The following ERN1 variants were observed in gnomAD, a reference collection of about 807,000 sequenced individuals.
The protein encoded by ERN1 is serine/threonine-protein kinase/endoribonuclease IRE1.
Under a neutral mutation model 113.1 loss-of-function variants are expected in ERN1, and 39 were observed. The ratio of observed to expected loss-of-function variants is 0.34; its 90% CI spans 0.27 to 0.45. The LOEUF (loss-of-function observed/expected upper bound fraction) is 0.45. Among genes scored for constraint, ERN1 ranks in the 20% least tolerant of loss-of-function variants. ERN1 has a pLI of 1.00. For synonymous variants in ERN1, 507 were observed against 515.9 expected, an observed-to-expected ratio of 0.98 and a Z score of 0.23; for missense variants, 976 against 1,274.8, an observed-to-expected ratio of 0.77 and a Z score of 3.57.
Position 64,041,423 on chromosome 17 carries a change from G to T in ERN1, c.*2565C>A, listed in dbSNP as rs1254709927. On this transcript the variant is annotated 3_prime_UTR_variant, in exon 22 of 22. Transcript: ENST00000433197. Reference sequence around the variant, plus strand: ...CCGCAACACGATATGTGATGGTGCAGAGCTGTTCTGGCCTGAAAAGAACTT... The same window carrying T: ...CCGCAACACGATATGTGATGGTGCATAGCTGTTCTGGCCTGAAAAGAACTT... 1 of 152,240 alleles carries T rather than the reference G, an allele frequency of 6.6e-6. No individual in the cohort carries two copies. Among genetic ancestry groups the T allele is most frequent in the Non-Finnish European group, 1.5e-5 (1 of 68,054 alleles). 9.4% of individuals were successfully genotyped at this position (152,240 alleles called of 1,614,324 possible).
Position 64,063,881 on chromosome 17 carries a change from A to G in ERN1, c.1087+105T>C. 4 of 1,081,172 alleles carry G rather than the reference A, an allele frequency of 3.7e-6. No individual in the cohort carries two copies. Among genetic ancestry groups the G allele is most frequent in the Non-Finnish European group, 5.4e-6 (4 of 739,572 alleles). 67.0% of individuals were successfully genotyped at this position (1,081,172 alleles called of 1,614,324 possible). ...GGGCCAGCCGGGAAGGGCTCTGAGC[A>G]CAAGGCCTTCCGAGCTCAGTACGGT... On this transcript the variant is annotated intron_variant, in intron 10 of 21. Transcript: ENST00000433197. This position sits in a 1 kb window ranked among gnomAD's most constrained non-coding sequence, Gnocchi z 5.1.
intron 2 of ERN1, among the ~76,000 whole-genome samples, chr17:64,084,619 T>G (rs1471109646): frequency 6.6e-6 from 1 of 152,236 alleles, no homozygotes; most frequent in African/African-American, 2.4e-5. Flanking sequence ...GCCTTGACAC[T>G]GAGAAGAGTG....
rs1912563878 is a variant in ERN1, at chr17:64,047,954, C to G, written c.2433G>C (p.Lys811Asn). 6.2e-7 allele frequency: 1 copy of G among 1,613,368 alleles called. No homozygotes were observed. The highest frequency in any genetic ancestry group is 1.3e-5 in the African/African-American group (1 of 75,054). ...GTTTCTGAGGATCCATCGCAATCAT[C>G]TTCTCTATCAATTCACGTGCAATGA... ...EDVIARELIE[K>N]MIAMDPQKRP... The change falls in exon 19 of 22, where the codon AAG becomes AAC. Residue 811 changes from lysine (K) to asparagine (N), a missense_variant. Lys to Asn is a moderately conservative substitution (Grantham distance 94). Coordinates refer to ENST00000433197, the MANE Select transcript of ERN1 (RefSeq NM_001433.5).
rs1250945988 is a variant in ERN1 at position 64,049,718 on chromosome 17, ACTAT to A, written c.2254-520_2254-517del. Among the ~76,000 whole-genome samples, 5 of 152,160 alleles carry A rather than the reference ACTAT, an allele frequency of 3.3e-5. No homozygotes were observed. The highest frequency in any genetic ancestry group is 9.7e-5 in the African/African-American group (4 of 41,432). On this transcript the variant is annotated intron_variant, in intron 17 of 21. Coordinates refer to ENST00000433197, the MANE Select transcript of ERN1 (RefSeq NM_001433.5). This position sits in a 1 kb window ranked among gnomAD's most constrained non-coding sequence, Gnocchi z 4.7. ...GATTCAAAAACAGCCCTAGAAAGAA[ACTAT>A]CTGACAAGTTACCAAGGAGGTCATG...
In ERN1 at chr17:64,098,203, G is replaced by A. The variant is rs753996023; in HGVS notation, c.93C>T (p.Thr31=). The A allele has an allele frequency of 6.2e-7, 1 of 1,613,928 alleles. No homozygotes were observed. The highest frequency in any genetic ancestry group is 2.2e-5 in the East Asian group (1 of 44,882). ...GSTSTVTLPE[T]LLFVSTLDGS... ...CATCCAGCGTTGACACAAACAACAA[G>A]GTTTCAGGAAGCGTCACTGTGCTGG... Residue 31 remains threonine (T), a synonymous_variant, in exon 2 of 22, where the codon ACC becomes ACT. Coordinates refer to ENST00000433197, the MANE Select transcript of ERN1 (RefSeq NM_001433.5).
At chr17:64,110,945 G>A (rs1050171506) in intron 1 of ERN1, among the ~76,000 whole-genome samples, 2 of 152,098 alleles carry the variant, frequency 1.3e-5, no homozygotes, top group African/African-American at 2.4e-5. Flanking sequence ...GGCCAAGAGC[G>A]AACAACGTTG....
At chr17:64,112,422 T>C (rs946182399) in intron 1 of ERN1, among the ~76,000 whole-genome samples, 1 of 151,072 alleles carries the variant, frequency 6.6e-6, no homozygotes, top group African/African-American at 2.4e-5. Context: ...GCTGAGGAGG[T>C]TGTCAGTAAA....
At position 64,047,936 on chromosome 17, in the gene ERN1, AG is replaced by A. The variant is rs1424670452; in HGVS notation, c.2450del (p.Pro817LeufsTer19). ...CATGCTTCGCTGAGGGGCGTTTCTG[AG>A]GATCCATCGCAATCATCTTCTCTAT... ...ELIEKMIAMD[P>X]QKRPSAKHVL... On this transcript the variant is annotated frameshift_variant, in exon 19 of 22. Transcript: ENST00000433197. LOFTEE classifies it high-confidence loss of function. The A allele has an allele frequency of 1.2e-6, 2 of 1,613,330 alleles. No individual in the cohort carries two copies. The highest frequency in any genetic ancestry group is 1.7e-6 in the Non-Finnish European group (2 of 1,179,462).
Position 64,055,963 on chromosome 17 carries a change from C to A in ERN1, c.1399-15G>T. On this transcript the variant is annotated splice_polypyrimidine_tract_variant and intron_variant, in intron 12 of 21. Transcript: ENST00000433197. ...TGATGCATGCTCTGGGAAGAGAAAC[C>A]CACATCCAGACAAGGGCAGCTGTTC... The A allele has an allele frequency of 2.0e-6, 3 of 1,526,254 alleles. No homozygotes were observed. Among genetic ancestry groups the A allele is most frequent in the Non-Finnish European group, 2.6e-6 (3 of 1,135,040 alleles). 94.5% of individuals were successfully genotyped at this position (1,526,254 alleles called of 1,614,324 possible).
chr17:64,099,700 T>G (rs1253065822), intron 1 of ERN1, among the ~76,000 whole-genome samples: 2 of 152,178 alleles, frequency 1.3e-5, no homozygotes, highest in African/African-American at 2.4e-5. Context: ...AGAGCCAGGA[T>G]GCCTAGTTAA....
chr17:64,107,771 G>A (rs1419136337), intron 1 of ERN1, among the ~76,000 whole-genome samples: 1 of 152,170 alleles, frequency 6.6e-6, no homozygotes, highest in Non-Finnish European at 1.5e-5. Context: ...TCTCCTGTCT[G>A]TGGAAGAACA....
intron 20 of ERN1, 88 bp downstream of exon 20, chr17:64,045,271 G>A: frequency 6.6e-7 from 1 of 1,515,986 alleles, no homozygotes; most frequent in East Asian, 2.3e-5. Context: ...GGCCTGAACA[G>A]CCTGGAGCGG....
chr17:64,043,802 C>T lies in ERN1; in HGVS notation c.*186G>A, dbSNP rs977139978. The T allele has an allele frequency of 3.1e-5, 15 of 490,094 alleles. No individual in the cohort carries two copies. Among genetic ancestry groups the T allele is most frequent in the East Asian group, 1.3e-4 (4 of 31,168 alleles). 30.4% of individuals were successfully genotyped at this position (490,094 alleles called of 1,614,324 possible). A position where few individuals can be genotyped will look rare whatever the true frequency, so the allele number is the denominator to read the frequency against. On this transcript the variant is annotated 3_prime_UTR_variant, in exon 22 of 22. Coordinates refer to ENST00000433197, the MANE Select transcript of ERN1 (RefSeq NM_001433.5). Reference sequence around the variant, plus strand: ...CATCTTCCCAGTTCCCTGTAGGTCACGAGGGGCCACTTCTCCCACTTCCTG... The same window carrying T: ...CATCTTCCCAGTTCCCTGTAGGTCATGAGGGGCCACTTCTCCCACTTCCTG...
Position 64,044,932 on chromosome 17 carries a change from A to G in ERN1, c.2654-5T>C, listed in dbSNP as rs756111954. 1.9e-6 allele frequency: 3 copies of G among 1,580,932 alleles called. No individual in the cohort carries two copies. The highest frequency in any genetic ancestry group is 2.7e-5 in the African/African-American group (2 of 74,474). ...AGGTCCTGAATTTACGCAGGTCTAG[A>G]AAAACATTGAGGGAAGCAATGGGTA... is the stretch of plus-strand genomic sequence containing the variant. On this transcript the variant is annotated splice_region_variant and splice_polypyrimidine_tract_variant and intron_variant, in intron 20 of 21. Coordinates refer to ENST00000433197, the MANE Select transcript of ERN1 (RefSeq NM_001433.5). This position sits in a 1 kb window ranked among gnomAD's most constrained non-coding sequence, Gnocchi z 4.1.
chr17:64,057,786 A>G lies in ERN1; in HGVS notation c.1398+16T>C. The G allele has an allele frequency of 2.5e-6, 4 of 1,611,762 alleles. No individual in the cohort carries two copies. Among genetic ancestry groups the G allele is most frequent in the Non-Finnish European group, 3.4e-6 (4 of 1,178,908 alleles). ...CAGAAATAGGTGGATGGCAAAGGGGAATTGTTGAGCTTTACCAGGGGATAG... is the reference window on the plus strand; with the variant it reads ...CAGAAATAGGTGGATGGCAAAGGGGGATTGTTGAGCTTTACCAGGGGATAG... On this transcript the variant is annotated intron_variant, in intron 12 of 21. Transcript: ENST00000433197.
At chr17:64,069,923 T>C (rs1277445669) in intron 6 of ERN1, among the ~76,000 whole-genome samples, 5 of 152,234 alleles carry the variant, frequency 3.3e-5, no homozygotes, top group Admixed American at 2.0e-4. Flanking sequence ...GAGGGAGGAC[T>C]GCAGTAGAAC....
At chr17:64,102,862 G>A (rs1465176735) in intron 1 of ERN1, 1 of 984,992 alleles carries the variant, frequency 1.0e-6, no homozygotes. Flanking sequence ...ACAACCATTT[G>A]AAATTTGATT....
chr17:64,057,711 G>A, intron 12 of ERN1, 91 bp downstream of exon 12: 5 of 1,218,098 alleles, frequency 4.1e-6, no homozygotes, highest in Non-Finnish European at 6.0e-6. Flanking sequence ...AAATGTGCTG[G>A]TTGTTTTTGT....
intron 1 of ERN1, among the ~76,000 whole-genome samples, chr17:64,106,715 T>TACACACACACACACACAC (rs58544303): frequency 1.7e-4 from 18 of 103,432 alleles, no homozygotes; most frequent in South Asian, 4.0e-4. Flanking sequence ...CAGGGTTTCT[T>TACACACACACACACACAC]ACACACACAC....
Sources: allele counts gnomAD v4.1 joint callset (sites outside exome capture counted in the v4.1 genomes callset), GRCh38; gene constraint gnomAD v4.1.1; non-coding constraint Gnocchi (gnomAD v3.1); transcripts MANE v1.5; gene names NCBI Gene and HGNC (gene_info 2026-07-23, HGNC 2026-07-21).